DLC1: variants seen among roughly 807,000 people sequenced by gnomAD.
DLC1 encodes the protein rho GTPase-activating protein 7.
Under a neutral mutation model 140.3 loss-of-function variants are expected in DLC1, and 54 were observed. The observed-to-expected ratio is 0.38, with a 90% confidence interval of 0.31 to 0.48. The LOEUF is 0.48. Among genes scored for constraint, DLC1 ranks in the 20% least tolerant of loss-of-function variants. The pLI, the probability that DLC1 is intolerant of heterozygous loss-of-function variation, is 0.96. For synonymous variants in DLC1, 986 were observed against 728.1 expected (o/e 1.35, Z -5.70); for missense variants, 2,536 against 1,907.0 (o/e 1.33, Z -6.14).
chr8:13,307,739 T>C (rs1159056776), intron 4 of DLC1, among the ~76,000 whole-genome samples: 1 of 152,196 alleles, frequency 6.6e-6, no homozygotes, highest in Non-Finnish European at 1.5e-5. Flanking sequence ...ATGACCCAGT[T>C]TTAAGCTTTT....
At chr8:13,377,582 G>A (rs1836059090) in intron 4 of DLC1, among the ~76,000 whole-genome samples, 1 of 152,032 alleles carries the variant, frequency 6.6e-6, no homozygotes, top group Non-Finnish European at 1.5e-5. Context: ...TATAGACCTA[G>A]AGCAAAGTCA....
At chr8:13,144,685 A>G (rs1399868496) in intron 5 of DLC1, among the ~76,000 whole-genome samples, 1 of 152,182 alleles carries the variant, frequency 6.6e-6, no homozygotes, top group Non-Finnish European at 1.5e-5. Flanking sequence ...GAATGGTGTG[A>G]ACCAGAGAGG....
chr8:13,476,221 A>T (rs1800426773), intron 2 of DLC1, among the ~76,000 whole-genome samples: 1 of 152,200 alleles, frequency 6.6e-6, no homozygotes, highest in Non-Finnish European at 1.5e-5. Context: ...AAAAGTTTTT[A>T]ATGGCTTTCT....
chr8:13,294,154 T>G (rs1157278525), intron 5 of DLC1, among the ~76,000 whole-genome samples: 1 of 152,228 alleles, frequency 6.6e-6, no homozygotes, highest in Non-Finnish European at 1.5e-5. Flanking sequence ...ATCTTTTGAC[T>G]GTTTCCATAG....
intron 5 of DLC1, among the ~76,000 whole-genome samples, chr8:13,248,448 T>C (rs1319149690): frequency 6.6e-6 from 1 of 152,140 alleles, no homozygotes; most frequent in Non-Finnish European, 1.5e-5. Flanking sequence ...CTCCCAACTC[T>C]TTTGAAGTGA....
chr8:13,527,012 G>A (rs1306725156), intron 1 of DLC1, among the ~76,000 whole-genome samples: 1 of 152,166 alleles, frequency 6.6e-6, no homozygotes, highest in Admixed American at 6.5e-5. Flanking sequence ...CTAGTATGCT[G>A]CTGACTTGCA....
intron 5 of DLC1, among the ~76,000 whole-genome samples, chr8:13,253,524 G>A (rs1269092450): frequency 6.6e-6 from 1 of 152,090 alleles, no homozygotes; most frequent in Non-Finnish European, 1.5e-5. Context: ...TCAGATTAAA[G>A]GGAAAACAGC....
intron 2 of DLC1, among the ~76,000 whole-genome samples, chr8:13,429,569 T>A (rs918229762): frequency 6.6e-6 from 1 of 152,228 alleles, no homozygotes; most frequent in Non-Finnish European, 1.5e-5. Flanking sequence ...AAGTTTGGCA[T>A]TGAGCTTCCT....
chr8:13,603,678 A>G (rs777414566), intron 1 of DLC1, among the ~76,000 whole-genome samples: 2 of 152,114 alleles, frequency 1.3e-5, no homozygotes, highest in Non-Finnish European at 2.9e-5. Context: ...CTAACTGAGT[A>G]AATGCAAGTG....
At chr8:13,415,224 T>C (rs1476997682) in intron 2 of DLC1, among the ~76,000 whole-genome samples, 5 of 152,148 alleles carry the variant, frequency 3.3e-5, no homozygotes, top group Admixed American at 1.3e-4. Flanking sequence ...TTACTAGTAT[T>C]TAAATAAATT....
At chr8:13,352,444 T>C (rs1170982829) in intron 4 of DLC1, among the ~76,000 whole-genome samples, 1 of 152,170 alleles carries the variant, frequency 6.6e-6, no homozygotes, top group Admixed American at 6.5e-5. Context: ...TGCAGTGGGG[T>C]GATCACAGCT....
intron 5 of DLC1, among the ~76,000 whole-genome samples, chr8:13,257,281 T>TA (rs1165873516): frequency 6.6e-6 from 1 of 151,654 alleles, no homozygotes; most frequent in African/African-American, 2.4e-5. Flanking sequence ...ACAAAAAAGT[T>TA]AAAAAATCAG....
chr8:13,171,525 G>A (rs1825480349), intron 5 of DLC1, among the ~76,000 whole-genome samples: 1 of 152,032 alleles, frequency 6.6e-6, no homozygotes, highest in Non-Finnish European at 1.5e-5. Context: ...TGAGTAGCTG[G>A]GACTACAGGT....
In DLC1 at chr8:13,453,401, T is replaced by TTTTTTTTTTTTTTTTTTTCA. The variant is rs1799167076; in HGVS notation, c.1023+45647_1023+45648insTGAAAAAAAAAAAAAAAAAA. Among the ~76,000 whole-genome samples, 2 of 28,430 alleles carry TTTTTTTTTTTTTTTTTTTCA rather than the reference T, an allele frequency of 7.0e-5. 1 individual carries two copies. The highest frequency in any genetic ancestry group is 1.2e-4 in the Non-Finnish European group (2 of 16,510). The allele number at this position is 28,430 out of a possible 152,430, so 18.7% of individuals were successfully genotyped here. ...AGATGGCCCAGGATATATATATATA[T>TTTTTTTTTTTTTTTTTTTCA]GTGTATATATATATATATATATGTG... On this transcript the variant is annotated intron_variant, in intron 2 of 17. Transcript: ENST00000276297.
chr8:13,091,454 G>A (rs533579543), intron 13 of DLC1, 22 bp from the exon 14 acceptor site: 12 of 1,591,898 alleles, frequency 7.5e-6, no homozygotes, highest in Non-Finnish European at 1.0e-5. Flanking sequence ...AAATACAGGA[G>A]GGGAACAGTT....
Position 13,088,684 on chromosome 8 carries a change from C to T in DLC1, c.4095G>A (p.Leu1365=), listed in dbSNP as rs1190808128. ...SYKKVSEGPP[L]RLWRSVIEVP... ...CTTCAATGACTGACCTCCAAAGCCT[C>T]AGAGGGGGTCCTTCGCTCACCTGGA... Residue 1365 remains leucine, a synonymous_variant, in exon 16 of 18, where the codon CTG becomes CTA. Coordinates refer to ENST00000276297, the MANE Select transcript of DLC1 (RefSeq NM_182643.3). 6.2e-7 allele frequency: 1 copy of T among 1,614,124 alleles called. No homozygotes were observed. The highest frequency in any genetic ancestry group is 1.1e-5 in the South Asian group (1 of 91,074).
chr8:13,373,389 T>C (rs1369920127), intron 4 of DLC1, among the ~76,000 whole-genome samples: 1 of 152,220 alleles, frequency 6.6e-6, no homozygotes, highest in Non-Finnish European at 1.5e-5. Flanking sequence ...TTATAAATCA[T>C]TGTTTATCTT....
chr8:13,472,599 G>A (rs1165401533), intron 2 of DLC1, among the ~76,000 whole-genome samples: 1 of 152,150 alleles, frequency 6.6e-6, no homozygotes, highest in Non-Finnish European at 1.5e-5. Context: ...CTCATGCTCT[G>A]CTGGTTCATG....
At chr8:13,110,699 T>C (rs771235830) in intron 7 of DLC1, 43 bp downstream of exon 7, 84 of 1,571,634 alleles carry the variant, frequency 5.3e-5, no homozygotes, top group Admixed American at 1.7e-5. Flanking sequence ...TACTGTGTTC[T>C]TAAAAAATAA....
Sources: gnomAD v4.1 joint callset for allele counts (sites outside exome capture counted in the v4.1 genomes callset) on GRCh38, gnomAD v4.1.1 for gene constraint, MANE v1.5 for transcripts, NCBI Gene and HGNC (gene_info 2026-07-23, HGNC 2026-07-21) for gene names.